The following NINL variants were observed in gnomAD, a reference collection of about 807,000 sequenced individuals.
The protein encoded by NINL is ninein like, also known as ninein-like protein.
Under a neutral mutation model 160.3 loss-of-function variants are expected in NINL, and 153 were observed. That is an observed-to-expected ratio of 0.95 (90% CI 0.84 to 1.09). The LOEUF (loss-of-function observed/expected upper bound fraction) is 1.09, where lower values mean the gene tolerates loss of function less well. Ranked by LOEUF, NINL falls within the 50% of genes least tolerant of loss-of-function variation. The pLI, the probability that NINL is intolerant of heterozygous loss-of-function variation, is 0.00. For missense variants in NINL, 1,829 were observed against 1,764.0 expected (o/e 1.04, Z -0.66); for synonymous variants, 800 against 734.8 (o/e 1.09, Z -1.43).
At chr20:25,501,669 C>A (rs1385827137) in intron 7 of NINL, among the ~76,000 whole-genome samples, 1 of 152,214 alleles carries the variant, frequency 6.6e-6, no homozygotes, top group Non-Finnish European at 1.5e-5. Context: ...GTGCTGGCTT[C>A]TGAGTTTCTT....
chr20:25,519,004 G>A (rs1484022187), intron 2 of NINL, among the ~76,000 whole-genome samples: 2 of 147,078 alleles, frequency 1.4e-5, no homozygotes, highest in Middle Eastern at 3.5e-3. Context: ...GGCTGAGGCA[G>A]AAGAATCACT....
chr20:25,575,604 A>T (rs1179792621), intron 1 of NINL, among the ~76,000 whole-genome samples: 1 of 152,022 alleles, frequency 6.6e-6, no homozygotes, highest in African/African-American at 2.4e-5. Context: ...GTAAAAAATT[A>T]GCTGGGCATG....
rs1272666724 is a variant in NINL, at chr20:25,510,709, G to A, written c.482C>T (p.Thr161Ile). The A allele has an allele frequency of 3.7e-6, 6 of 1,613,860 alleles. No individual in the cohort carries two copies. In the African/African-American group the frequency reaches 5.3e-5, roughly 14 times the overall value. ...SPKSDEEAESTKEAQNELFEA... is the reference protein window; with the variant it reads ...SPKSDEEAESIKEAQNELFEA... ...AAATAATTCATTCTGAGCTTCTTTAGTGCTCTCGGCCTCTTCATCTGACTT... is the reference window on the plus strand; with the variant it reads ...AAATAATTCATTCTGAGCTTCTTTAATGCTCTCGGCCTCTTCATCTGACTT... The change falls in exon 5 of 24, where the codon ACT becomes ATT. Residue 161 changes from threonine to isoleucine, a missense_variant. Thr to Ile is a moderately conservative substitution (Grantham distance 89). Coordinates refer to ENST00000278886, the MANE Select transcript of NINL (RefSeq NM_025176.6).
intron 1 of NINL, among the ~76,000 whole-genome samples, chr20:25,543,812 G>A (rs975047509): frequency 6.6e-6 from 1 of 152,050 alleles, no homozygotes; most frequent in Non-Finnish European, 1.5e-5. Flanking sequence ...AGGCCACCAC[G>A]TCGTTTCCAT....
chr20:25,477,053 C>T lies in NINL; in HGVS notation c.2238G>A (p.Ser746=), dbSNP rs761737847. ...TGCGAGCGGGCAGGGCTCCCAGCCC[C>T]GACAGCTCTCCACTCAGCTCCGCCT... ...EAEAELSGEL[S]GLGALPARRD... The change falls in exon 17 of 24, where the codon TCG becomes TCA. Residue 746 remains serine, a synonymous_variant. Coordinates refer to ENST00000278886, the MANE Select transcript of NINL (RefSeq NM_025176.6). 6 of 1,598,346 alleles carry T rather than the reference C, an allele frequency of 3.8e-6. No homozygotes were observed. The South Asian group carries it at 5.5e-5, about 15-fold the overall frequency.
chr20:25,542,075 C>CTGGATGACAGCAG (rs2064672316), intron 1 of NINL, among the ~76,000 whole-genome samples: 1 of 152,236 alleles, frequency 6.6e-6, no homozygotes, highest in South Asian at 2.1e-4. Flanking sequence ...CAGCAGCCTG[C>CTGGATGACAGCAG]ACTCCTGGGG....
In NINL at chr20:25,512,820, G is replaced by C. The variant is rs200640031; in HGVS notation, c.450+14C>G. ...AACACTGGGCAGCTGGGGTGGGAGA[G>C]GGGCCTGACCCACCTCCACGCTCTC... On this transcript the variant is annotated intron_variant, in intron 4 of 23. Transcript: ENST00000278886. 5 of 1,595,164 alleles carry C rather than the reference G, an allele frequency of 3.1e-6. No individual in the cohort carries two copies. Among genetic ancestry groups the C allele is most frequent in the African/African-American group, 1.3e-5 (1 of 74,380 alleles).
chr20:25,492,645 G>A (rs1030707830), intron 10 of NINL, among the ~76,000 whole-genome samples: 1 of 152,008 alleles, frequency 6.6e-6, no homozygotes. Context: ...GTAGAGACGG[G>A]GTTTCACCAT....
chr20:25,503,942 T>G lies in NINL; in HGVS notation c.861+10A>C. 6.2e-7 allele frequency: 1 copy of G among 1,614,116 alleles called. No homozygotes were observed. The highest frequency in any genetic ancestry group is 2.2e-5 in the East Asian group (1 of 44,878). ...GTTGCTGGGTTCAGGATTTAACTGT[T>G]GCATTTTACCTGGTAATGAGACCAA... is the stretch of plus-strand genomic sequence containing the variant. On this transcript the variant is annotated intron_variant, in intron 7 of 23. Coordinates refer to ENST00000278886, the MANE Select transcript of NINL (RefSeq NM_025176.6).
Position 25,481,740 on chromosome 20 carries a change from C to T in NINL, c.1810+228G>A, listed in dbSNP as rs773006458. The T allele has an allele frequency of 3.4e-5, 21 of 612,392 alleles. No individual in the cohort carries two copies. Among genetic ancestry groups the T allele is most frequent in the Non-Finnish European group, 5.0e-5 (18 of 357,548 alleles). The allele number at this position is 612,392 out of a possible 1,614,324, so 37.9% of individuals were successfully genotyped here. A position where few individuals can be genotyped will look rare whatever the true frequency, so the allele number is the denominator to read the frequency against. ...CAGCCTGGGCCAGCCCTGGGGCTGC[C>T]CACCTTCAGCGTCCCTTCCTCCTCC... is the stretch of plus-strand genomic sequence containing the variant. On this transcript the variant is annotated intron_variant, in intron 14 of 23. Transcript: ENST00000278886.
At chr20:25,551,356 G>T (rs2064805601) in intron 1 of NINL, among the ~76,000 whole-genome samples, 1 of 151,838 alleles carries the variant, frequency 6.6e-6, no homozygotes, top group Non-Finnish European at 1.5e-5. Flanking sequence ...GGCAACAAGG[G>T]CGAGACTCCG....
At chr20:25,489,625 C>G (rs1057194701) in intron 12 of NINL, among the ~76,000 whole-genome samples, 1 of 152,132 alleles carries the variant, frequency 6.6e-6, no homozygotes, top group Non-Finnish European at 1.5e-5. Context: ...AGGCCCTGCC[C>G]TCCCTCCACG....
intron 13 of NINL, among the ~76,000 whole-genome samples, chr20:25,487,718 T>A (rs1159004652): frequency 6.6e-6 from 1 of 152,222 alleles, no homozygotes. Flanking sequence ...TAAAGTAACT[T>A]TTCTGTATTG....
chr20:25,564,782 G>A (rs2064982173), intron 1 of NINL, among the ~76,000 whole-genome samples: 1 of 143,992 alleles, frequency 6.9e-6, no homozygotes, highest in South Asian at 2.3e-4. Flanking sequence ...CCTGAAAGGT[G>A]CCATTTAAGT....
At chr20:25,565,553 C>G (rs140842162) in intron 1 of NINL, among the ~76,000 whole-genome samples, 4 of 152,164 alleles carry the variant, frequency 2.6e-5, no homozygotes, top group Non-Finnish European at 5.9e-5. Context: ...TACCTTACCA[C>G]CACATCAACA....
At chr20:25,481,075 T>G (rs1008944443) in intron 14 of NINL, among the ~76,000 whole-genome samples, 2 of 152,128 alleles carry the variant, frequency 1.3e-5, no homozygotes, top group Non-Finnish European at 2.9e-5. Context: ...AAGCCCCGAC[T>G]AGGCTCCCCT....
Position 25,469,907 on chromosome 20 carries a change from C to T in NINL, c.3353+84G>A. 3.4e-6 allele frequency: 3 copies of T among 874,080 alleles called. No homozygotes were observed. In the South Asian group the frequency reaches 4.3e-5, roughly 13 times the overall value. The allele number at this position is 874,080 out of a possible 1,614,324, so 54.1% of individuals were successfully genotyped here. On this transcript the variant is annotated intron_variant, in intron 18 of 23. Transcript: ENST00000278886. ...AGGGCTAATCTGAGAACACTTCCCA[C>T]TGTCTATATGGAGACTGCATAAGGT...
In NINL at chr20:25,526,478, A is replaced by C; in HGVS notation, c.110T>G (p.Leu37Arg). ...CAGCTGCTGCTCCAGGTGAAGCTTAAGGCAGAGCTGGGTCAGCTCCTGGCG... is the reference window on the plus strand; with the variant it reads ...CAGCTGCTGCTCCAGGTGAAGCTTACGGCAGAGCTGGGTCAGCTCCTGGCG... ...LDRQELTQLC[L>R]KLHLEQQLPV... Residue 37 changes from leucine (L) to arginine (R), a missense_variant, in exon 2 of 24, where the codon CTT becomes CGT. Leu to Arg is a moderately radical substitution (Grantham distance 102, BLOSUM62 -2). Transcript: ENST00000278886. The C allele has an allele frequency of 6.2e-7, 1 of 1,614,204 alleles. No homozygotes were observed. The highest frequency in any genetic ancestry group is 8.5e-7 in the Non-Finnish European group (1 of 1,180,032).
intron 17 of NINL, among the ~76,000 whole-genome samples, chr20:25,474,763 T>C (rs1395891508): frequency 3.3e-5 from 5 of 150,994 alleles, no homozygotes; most frequent in Non-Finnish European, 7.4e-5. Context: ...TACAAGCGCA[T>C]GCCACCATGC....
Sources: gnomAD v4.1 joint callset for allele counts (sites outside exome capture counted in the v4.1 genomes callset) on GRCh38, gnomAD v4.1.1 for gene constraint, MANE v1.5 for transcripts, NCBI Gene and HGNC (gene_info 2026-07-23, HGNC 2026-07-21) for gene names.